The following ANXA8 variants were observed in gnomAD, a reference collection of about 807,000 sequenced individuals.
The protein encoded by ANXA8 is annexin A8.
In ANXA8, 9 loss-of-function variants were observed where a neutral mutation model predicts 26.8. That is an observed-to-expected ratio of 0.34 (90% CI 0.20 to 0.59). The LOEUF (loss-of-function observed/expected upper bound fraction) is 0.59, where lower values mean the gene tolerates loss of function less well. Among genes scored for constraint, ANXA8 ranks in the 20% least tolerant of loss-of-function variants. The pLI is 0.84. For synonymous variants in ANXA8, 39 were observed against 94.8 expected (o/e 0.41, Z 3.42); for missense variants, 83 against 238.5 (o/e 0.35, Z 4.29).
chr10:47,733,187 T>TC, the ANXA8 span, among the ~76,000 whole-genome samples: 39 of 94,166 alleles, frequency 4.1e-4, no homozygotes, highest in African/African-American at 1.3e-3. Flanking sequence ...CTTTCTTTCT[T>TC]TCTTTCTTTC....
the ANXA8 span, among the ~76,000 whole-genome samples, chr10:47,581,765 C>T: frequency 8.6e-6 from 1 of 116,890 alleles, no homozygotes; most frequent in Non-Finnish European, 1.9e-5. Flanking sequence ...TGCCACCATG[C>T]TAACTTTTTG....
chr10:47,965,996 C>T, the ANXA8 span, among the ~76,000 whole-genome samples: 8 of 122,250 alleles, frequency 6.5e-5, no homozygotes, highest in African/African-American at 2.2e-4. Context: ...GCCCCTCCCC[C>T]CAACCTCCAG....
chr10:47,615,174 A>G, the ANXA8 span, among the ~76,000 whole-genome samples: 4 of 73,528 alleles, frequency 5.4e-5, 1 homozygote, highest in Non-Finnish European at 1.4e-4. Context: ...AAAAACTAAG[A>G]GGGGAAGTTA....
At chr10:47,533,222 CA>C in the ANXA8 span, among the ~76,000 whole-genome samples, 132 of 135,154 alleles carry the variant, frequency 9.8e-4, 4 homozygotes, top group African/African-American at 3.4e-3. Flanking sequence ...CACACACACA[CA>C]CCCCCGCAGA....
the ANXA8 span, among the ~76,000 whole-genome samples, chr10:47,970,913 AG>A: frequency 2.6e-5 from 4 of 151,406 alleles, no homozygotes; most frequent in African/African-American, 9.7e-5. Context: ...CACAACTGTC[AG>A]TTTGATGAAC....
chr10:47,674,844 T>C, the ANXA8 span, among the ~76,000 whole-genome samples: 2 of 151,864 alleles, frequency 1.3e-5, no homozygotes, highest in Non-Finnish European at 2.9e-5. Context: ...CACTGGGAGC[T>C]CTTTCAGTTG....
At chr10:47,951,581 G>A in the ANXA8 span, among the ~76,000 whole-genome samples, 31 of 150,698 alleles carry the variant, frequency 2.1e-4, no homozygotes, top group African/African-American at 7.6e-4. Flanking sequence ...AGGCTGAGCT[G>A]GGTGGATCAC....
At chr10:47,672,843 C>T in the ANXA8 span, among the ~76,000 whole-genome samples, 2 of 151,678 alleles carry the variant, frequency 1.3e-5, no homozygotes, top group African/African-American at 4.9e-5. Flanking sequence ...CAAGATATTG[C>T]CATTCTTGTA....
At chr10:47,685,347 A>G in the ANXA8 span, among the ~76,000 whole-genome samples, 62 of 125,844 alleles carry the variant, frequency 4.9e-4, no homozygotes, top group African/African-American at 1.8e-3. Flanking sequence ...AATCTGTCTC[A>G]AAAAAAAAAA....
At chr10:47,659,017 G>A in the ANXA8 span, among the ~76,000 whole-genome samples, 7,100 of 146,532 alleles carry the variant, frequency 0.048, 146 homozygotes, top group African/African-American at 0.12. Flanking sequence ...GAATACAGGC[G>A]CCCGCCACCA....
At chr10:47,959,196 A>T in the ANXA8 span, among the ~76,000 whole-genome samples, 8 of 146,778 alleles carry the variant, frequency 5.5e-5, 1 homozygote, top group East Asian at 1.7e-3. Flanking sequence ...TAGAGACTGG[A>T]AAAGGAGGCC....
the ANXA8 span, among the ~76,000 whole-genome samples, chr10:47,960,496 C>T: frequency 6.7e-6 from 1 of 149,686 alleles, no homozygotes; most frequent in Non-Finnish European, 1.5e-5. Context: ...GGGGAACTCT[C>T]ATGATCAGTA....
the ANXA8 span, among the ~76,000 whole-genome samples, chr10:47,522,441 C>A: frequency 6.7e-6 from 1 of 150,248 alleles, no homozygotes; most frequent in African/African-American, 2.5e-5. Context: ...TCTGCAGCCC[C>A]GGCTGTGACA....
chr10:47,684,681 G>A, the ANXA8 span, among the ~76,000 whole-genome samples: 1 of 151,940 alleles, frequency 6.6e-6, no homozygotes, highest in Non-Finnish European at 1.5e-5. Flanking sequence ...CACCTCCTGG[G>A]TTCAAGCGAT....
the ANXA8 span, among the ~76,000 whole-genome samples, chr10:47,560,064 A>C: frequency 6.6e-6 from 1 of 150,766 alleles, no homozygotes; most frequent in African/African-American, 2.4e-5. Context: ...ATACACACAC[A>C]GTTTCTGACC....
chr10:47,954,279 A>T, the ANXA8 span, among the ~76,000 whole-genome samples: 1 of 151,078 alleles, frequency 6.6e-6, no homozygotes. Flanking sequence ...GTTAAATGAA[A>T]TAAAAAAGGC....
At chr10:47,670,322 CTG>C in the ANXA8 span, among the ~76,000 whole-genome samples, 4 of 151,834 alleles carry the variant, frequency 2.6e-5, no homozygotes, top group African/African-American at 7.3e-5. Flanking sequence ...GTTATGAACA[CTG>C]ATGTACAATT....
chr10:47,544,019 T>G, the ANXA8 span, among the ~76,000 whole-genome samples: 3 of 149,726 alleles, frequency 2.0e-5, no homozygotes, highest in Non-Finnish European at 4.4e-5. Flanking sequence ...AAAAGGGGTA[T>G]TCCAGGCTGA....
chr10:47,567,932 A>G, the ANXA8 span: 32 of 660,370 alleles, frequency 4.8e-5, no homozygotes, highest in Non-Finnish European at 3.3e-5. Context: ...TGGAATAGCA[A>G]CCATCAACCT....
Sources: allele counts gnomAD v4.1 joint callset (sites outside exome capture counted in the v4.1 genomes callset), GRCh38; gene constraint gnomAD v4.1.1; transcripts MANE v1.5; gene names NCBI Gene and HGNC (gene_info 2026-07-23, HGNC 2026-07-21).